The following DGKB variants were observed in gnomAD, a reference collection of about 807,000 sequenced individuals.
The protein encoded by DGKB is 90 kDa diacylglycerol kinase.
In DGKB, 67 loss-of-function variants were observed where a neutral mutation model predicts 114.3. The observed-to-expected ratio is 0.59, with a 90% CI of 0.48 to 0.72. The LOEUF is 0.72. Among genes scored for constraint, DGKB ranks in the 30% least tolerant of loss-of-function variants. The pLI is 0.00. For synonymous variants in DGKB, 398 were observed against 323.1 expected (o/e 1.23, Z -2.49); for missense variants, 907 against 975.2 (o/e 0.93, Z 0.93).
At position 14,876,212 on chromosome 7, in the gene DGKB, CACA is replaced by C. The variant is rs143975574; in HGVS notation, c.-188+26377_-188+26379del. ...TTACTGCCTTTTTCTATGGCAGTGA[CACA>C]ACGACCCAAAAGTTACTACCCCTTT... is the stretch of plus-strand genomic sequence containing the variant. On this transcript the variant is annotated intron_variant, in intron 1 of 25. Coordinates refer to ENST00000402815, the MANE Select transcript of DGKB (RefSeq NM_001350709.2). Among the ~76,000 whole-genome samples the C allele has an allele frequency of 8.9e-3, 1,354 of 152,256 alleles. 25 individuals are homozygous for C. Among genetic ancestry groups the C allele is most frequent in the African/African-American group, 0.031 (1,273 of 41,548 alleles).
At chr7:14,327,236 T>C (rs942300533) in intron 23 of DGKB, among the ~76,000 whole-genome samples, 12 of 152,040 alleles carry the variant, frequency 7.9e-5, no homozygotes, top group Admixed American at 6.6e-4. Flanking sequence ...TAAATGAACA[T>C]TTGGATGAAA....
intron 20 of DGKB, among the ~76,000 whole-genome samples, chr7:14,499,189 T>G (rs2128950056): frequency 6.6e-6 from 1 of 151,786 alleles, no homozygotes; most frequent in South Asian, 2.1e-4. Context: ...AGTCCCAAAC[T>G]TCTATATGTT....
chr7:14,408,405 T>C (rs775098956), intron 21 of DGKB, among the ~76,000 whole-genome samples: 2 of 152,110 alleles, frequency 1.3e-5, no homozygotes, highest in Admixed American at 1.3e-4. Context: ...GTTCTAGCAA[T>C]ATGGGGAATA....
At chr7:14,633,777 T>C (rs1032826201) in intron 13 of DGKB, among the ~76,000 whole-genome samples, 3 of 151,734 alleles carry the variant, frequency 2.0e-5, no homozygotes, top group Non-Finnish European at 4.4e-5. Flanking sequence ...TGTGATTGAT[T>C]TTATTTGATC....
chr7:14,791,236 A>T (rs553162177), intron 2 of DGKB, among the ~76,000 whole-genome samples: 193 of 152,276 alleles, frequency 1.3e-3, no homozygotes, highest in South Asian at 3.5e-3. Flanking sequence ...TTTCATTGTC[A>T]ATATATAGAA....
At chr7:14,910,643 A>G (rs1283068121) in intron 1 of DGKB, among the ~76,000 whole-genome samples, 1 of 152,214 alleles carries the variant, frequency 6.6e-6, no homozygotes, top group Non-Finnish European at 1.5e-5. Context: ...AATCAGAAGT[A>G]CAAAGAACTT....
intron 21 of DGKB, among the ~76,000 whole-genome samples, chr7:14,357,792 G>A (rs934397608): frequency 6.6e-6 from 1 of 152,144 alleles, no homozygotes; most frequent in African/African-American, 2.4e-5. Flanking sequence ...GGCAGGCTTG[G>A]TGGTGGCAAA....
intron 1 of DGKB, among the ~76,000 whole-genome samples, chr7:14,854,715 C>T (rs1392247262): frequency 6.6e-6 from 1 of 152,098 alleles, no homozygotes; most frequent in East Asian, 1.9e-4. Flanking sequence ...TGGTATGAGG[C>T]CTGTGGGCTG....
At chr7:14,968,994 G>A (rs1787315626) in intron 1 of DGKB, among the ~76,000 whole-genome samples, 1 of 152,018 alleles carries the variant, frequency 6.6e-6, no homozygotes, top group Admixed American at 6.6e-5. Flanking sequence ...CATCTTACTG[G>A]TTTTCCAGTC....
intron 21 of DGKB, among the ~76,000 whole-genome samples, chr7:14,412,494 G>C (rs183648608): frequency 4.6e-4 from 70 of 152,294 alleles, no homozygotes; most frequent in African/African-American, 1.5e-3. Flanking sequence ...AGAGCCCGGG[G>C]AAAGGAGCAA....
At chr7:14,419,687 G>A in intron 21 of DGKB, among the ~76,000 whole-genome samples, 1 of 151,180 alleles carries the variant, frequency 6.6e-6, no homozygotes, top group East Asian at 1.9e-4. Context: ...AAGAAATCAT[G>A]AGCAGGAAAC....
At chr7:14,467,193 T>C (rs958142548) in intron 21 of DGKB, among the ~76,000 whole-genome samples, 2 of 149,354 alleles carry the variant, frequency 1.3e-5, no homozygotes, top group South Asian at 2.1e-4. Context: ...ATTATTTTAT[T>C]ACTTACTGTT....
chr7:14,600,111 T>G (rs1181867273), intron 17 of DGKB, among the ~76,000 whole-genome samples: 2 of 152,184 alleles, frequency 1.3e-5, no homozygotes, highest in East Asian at 3.9e-4. Context: ...GTAAGGCTTA[T>G]TATCTGCTTC....
intron 20 of DGKB, among the ~76,000 whole-genome samples, chr7:14,555,245 A>G (rs565919754): frequency 6.6e-6 from 1 of 152,316 alleles, no homozygotes; most frequent in Non-Finnish European, 1.5e-5. Flanking sequence ...TTCAACATCT[A>G]ACAAATATTA....
rs28453331 is a variant in DGKB at position 14,468,490 on chromosome 7, G to A, written c.1835+9671C>T. 4.0e-4 allele frequency among the ~76,000 whole-genome samples: 60 copies of A among 151,830 alleles called. 1 individual carries two copies. Among genetic ancestry groups the A allele is most frequent in the African/African-American group, 1.4e-3 (58 of 41,368 alleles). On this transcript the variant is annotated intron_variant, in intron 21 of 25. Coordinates refer to ENST00000402815, the MANE Select transcript of DGKB (RefSeq NM_001350709.2). ...TAACTGTTGTCCAAGCTTATCTGCA[G>A]TTTCTTCCCTTTAAACTAAATTGAT...
chr7:14,732,198 T>TG (rs1232823875), intron 5 of DGKB, among the ~76,000 whole-genome samples: 1 of 6,958 alleles, frequency 1.4e-4, no homozygotes, highest in Admixed American at 1.1e-3. Context: ...GTGAGCATAA[T>TG]TTTTTTTCCT....
intron 1 of DGKB, among the ~76,000 whole-genome samples, chr7:14,942,613 T>A (rs11983049): frequency 6.6e-6 from 1 of 151,980 alleles, no homozygotes; most frequent in Non-Finnish European, 1.5e-5. Context: ...CATCTACCAC[T>A]CTTCCTCCAG....
At chr7:14,192,078 G>T in intron 23 of DGKB, 1 of 425,542 alleles carries the variant, frequency 2.3e-6, no homozygotes, top group South Asian at 1.8e-5. Flanking sequence ...TGTCATCAAA[G>T]CAGTGGACAG....
chr7:14,533,020 A>T (rs182683583), intron 20 of DGKB, among the ~76,000 whole-genome samples: 1 of 151,992 alleles, frequency 6.6e-6, no homozygotes, highest in Non-Finnish European at 1.5e-5. Flanking sequence ...TAAAATTCCC[A>T]TAACCAACTC....
Sources: allele counts gnomAD v4.1 joint callset (sites outside exome capture counted in the v4.1 genomes callset), GRCh38; gene constraint gnomAD v4.1.1; transcripts MANE v1.5; gene names NCBI Gene and HGNC (gene_info 2026-07-23, HGNC 2026-07-21).